CNNM4: variants seen among roughly 807,000 people sequenced by gnomAD.
CNNM4 encodes cyclin and CBS domain divalent metal cation transport mediator 4, also known as metal transporter CNNM4.
In CNNM4, 32 loss-of-function variants were observed where a neutral mutation model predicts 53.7. That is an observed-to-expected ratio of 0.60 (90% CI 0.45 to 0.80). CNNM4 has a LOEUF of 0.80. Among genes scored for constraint, CNNM4 ranks in the 30% least tolerant of loss-of-function variants. CNNM4 has a pLI of 0.00. For synonymous variants in CNNM4, 410 were observed against 440.0 expected (o/e 0.93, Z 0.85); for missense variants, 784 against 1,022.0 (o/e 0.77, Z 3.17).
intron 1 of CNNM4, among the ~76,000 whole-genome samples, chr2:96,776,892 C>G (rs2078929964): frequency 1.3e-5 from 2 of 152,118 alleles, no homozygotes; most frequent in Non-Finnish European, 2.9e-5. Context: ...GGATTACAGG[C>G]GTGAGCCACT....
Position 96,761,645 on chromosome 2 carries a change from A to G in CNNM4, c.646A>G (p.Ile216Val). ...GGCCCTGGACCCCATGGAGCTGCGC[A>G]TCGTGCAGAACTGTGGCACCGAGAA... ...LMALDPMELR[I>V]VQNCGTEKER... Residue 216 changes from isoleucine to valine, a missense_variant, in exon 1 of 7, where the codon ATC (isoleucine) becomes GTC (valine). Coordinates refer to ENST00000377075, the MANE Select transcript of CNNM4 (RefSeq NM_020184.4). This position sits in a 1 kb window ranked among gnomAD's most constrained non-coding sequence, Gnocchi z 6.0. 1 of 1,613,114 alleles carries G rather than the reference A, an allele frequency of 6.2e-7. No homozygotes were observed. The highest frequency in any genetic ancestry group is 8.5e-7 in the Non-Finnish European group (1 of 1,179,946).
chr2:96,805,590 T>C (rs907163183), intron 5 of CNNM4, among the ~76,000 whole-genome samples: 2 of 124,298 alleles, frequency 1.6e-5, no homozygotes, highest in Non-Finnish European at 3.3e-5. Context: ...CAGAGGACCC[T>C]GCGGCCTTCC....
chr2:96,790,873 A>T (rs1237268233), intron 1 of CNNM4, among the ~76,000 whole-genome samples: 1 of 151,648 alleles, frequency 6.6e-6, no homozygotes, highest in Admixed American at 6.6e-5. Flanking sequence ...TAATCCCAGC[A>T]CTTTGGGAGG....
chr2:96,770,849 G>A (rs548339178), intron 1 of CNNM4, among the ~76,000 whole-genome samples: 14 of 152,336 alleles, frequency 9.2e-5, no homozygotes, highest in African/African-American at 3.4e-4. Flanking sequence ...GTATGGAAAG[G>A]CAGCCTGGGC....
intron 1 of CNNM4, among the ~76,000 whole-genome samples, chr2:96,779,508 C>CA (rs1178143077): frequency 0.08 from 4,926 of 61,662 alleles, 355 homozygotes; most frequent in African/African-American, 0.21. Flanking sequence ...GACCTCGTCT[C>CA]AAAAAAAAAA....
chr2:96,804,937 G>A (rs967597847), intron 5 of CNNM4, among the ~76,000 whole-genome samples: 11 of 151,904 alleles, frequency 7.2e-5, no homozygotes, highest in Non-Finnish European at 1.5e-4. Flanking sequence ...CAGGAGGATC[G>A]CTTGAGCCCA....
rs910449212 is a variant in CNNM4 at position 96,801,959 on chromosome 2, A to G, written c.1948+2311A>G. Reference sequence around the variant, plus strand: ...AACACACACCCATAGGCACACACCCATAGGCACACACACAAAGAGACACAC... The same window carrying G: ...AACACACACCCATAGGCACACACCCGTAGGCACACACACAAAGAGACACAC... On this transcript the variant is annotated intron_variant, in intron 5 of 6. Coordinates refer to ENST00000377075, the MANE Select transcript of CNNM4 (RefSeq NM_020184.4). This position sits in a 1 kb window ranked among gnomAD's most constrained non-coding sequence, Gnocchi z 5.6. Among the ~76,000 whole-genome samples, 1 of 150,814 alleles carries G rather than the reference A, an allele frequency of 6.6e-6. No individual in the cohort carries two copies. Among genetic ancestry groups the G allele is most frequent in the African/African-American group, 2.4e-5 (1 of 40,934 alleles).
intron 1 of CNNM4, among the ~76,000 whole-genome samples, chr2:96,792,064 G>A (rs1034998910): frequency 1.3e-5 from 2 of 151,568 alleles, no homozygotes; most frequent in Non-Finnish European, 2.9e-5. Context: ...GAGTAGCCTG[G>A]CCAACATGGT....
At chr2:96,762,757 A>G (rs1362690300) in intron 1 of CNNM4, among the ~76,000 whole-genome samples, 1 of 152,078 alleles carries the variant, frequency 6.6e-6, no homozygotes, top group Non-Finnish European at 1.5e-5. Context: ...TGGAGTCAGG[A>G]AGGGGCTGGG....
At chr2:96,796,244 A>G (rs1255543871) in intron 1 of CNNM4, among the ~76,000 whole-genome samples, 1 of 142,140 alleles carries the variant, frequency 7.0e-6, no homozygotes, top group Non-Finnish European at 1.5e-5. Flanking sequence ...TCCCGGGTTC[A>G]AGCAATTCTC....
intron 1 of CNNM4, among the ~76,000 whole-genome samples, chr2:96,763,404 G>C (rs546417968): frequency 6.6e-6 from 1 of 152,304 alleles, no homozygotes; most frequent in African/African-American, 2.4e-5. Context: ...TTATGGAGTG[G>C]AACCCTCCCA....
Position 96,808,445 on chromosome 2 carries a change from T to A in CNNM4, c.1949-116T>A. On this transcript the variant is annotated intron_variant, in intron 5 of 6. Coordinates refer to ENST00000377075, the MANE Select transcript of CNNM4 (RefSeq NM_020184.4). This position sits in a 1 kb window ranked among gnomAD's most constrained non-coding sequence, Gnocchi z 4.9. ...ACATGCTTCTGTTTGTCCCTAAGAA[T>A]GACTTCCTGTTCCTGGGTGGGGTGT... 1 of 1,007,778 alleles carries A rather than the reference T, an allele frequency of 9.9e-7. No homozygotes were observed. Among genetic ancestry groups the A allele is most frequent in the Non-Finnish European group, 1.5e-6 (1 of 650,518 alleles). 62.4% of individuals were successfully genotyped at this position (1,007,778 alleles called of 1,614,324 possible).
At chr2:96,769,253 T>TA (rs917025715) in intron 1 of CNNM4, among the ~76,000 whole-genome samples, 2 of 133,950 alleles carry the variant, frequency 1.5e-5, no homozygotes, top group African/African-American at 5.7e-5. Context: ...TCCGTCTCAA[T>TA]AAAAAAGGAG....
rs551009676 is a variant in CNNM4 at position 96,808,454 on chromosome 2, G to C, written c.1949-107G>C. ...TGTTTGTCCCTAAGAATGACTTCCT[G>C]TTCCTGGGTGGGGTGTCCCTGGGCT... On this transcript the variant is annotated intron_variant, in intron 5 of 6. Coordinates refer to ENST00000377075, the MANE Select transcript of CNNM4 (RefSeq NM_020184.4). This position sits in a 1 kb window ranked among gnomAD's most constrained non-coding sequence, Gnocchi z 4.9. The C allele has an allele frequency of 1.9e-5, 21 of 1,124,824 alleles. No individual in the cohort carries two copies. Among genetic ancestry groups the C allele is most frequent in the Middle Eastern group, 2.5e-4 (1 of 4,030 alleles). 69.7% of individuals were successfully genotyped at this position (1,124,824 alleles called of 1,614,324 possible).
intron 1 of CNNM4, among the ~76,000 whole-genome samples, chr2:96,776,441 C>T (rs2078925307): frequency 6.6e-6 from 1 of 152,090 alleles, no homozygotes; most frequent in Admixed American, 6.6e-5. Flanking sequence ...GGATATTCAT[C>T]ACCTTGAATA....
intron 1 of CNNM4, among the ~76,000 whole-genome samples, chr2:96,779,799 A>C (rs1489091983): frequency 2.0e-5 from 3 of 150,718 alleles, no homozygotes; most frequent in Non-Finnish European, 4.4e-5. Context: ...CAACTCAAAG[A>C]CTTGACATTT....
intron 5 of CNNM4, among the ~76,000 whole-genome samples, chr2:96,804,195 G>A (rs952159338): frequency 6.6e-6 from 1 of 151,056 alleles, no homozygotes; most frequent in Non-Finnish European, 1.5e-5. Flanking sequence ...GCACCTGGCC[G>A]GACCTCTAAT....
At position 96,799,193 on chromosome 2, in the gene CNNM4, T is replaced by A; in HGVS notation, c.1818T>A (p.Asn606Lys). ...YYARHYLYTR[N>K]KPADYFILIL... is the part of the protein sequence containing the mutation. ...CCCGCCATTACCTGTACACCCGAAA[T>A]AAGCCGGCCGACTACTTCATCCTCA... The change falls in exon 4 of 7, where the codon AAT becomes AAA. Residue 606 changes from asparagine (N) to lysine (K), a missense_variant. This residue lies in a region of CNNM4 where 307 missense variants were observed against 376.3 expected (regional missense o/e 0.82). Coordinates refer to ENST00000377075, the MANE Select transcript of CNNM4 (RefSeq NM_020184.4). The A allele has an allele frequency of 1.2e-6, 2 of 1,614,142 alleles. No individual in the cohort carries two copies. The highest frequency in any genetic ancestry group is 1.7e-6 in the Non-Finnish European group (2 of 1,180,018).
intron 1 of CNNM4, among the ~76,000 whole-genome samples, chr2:96,784,090 A>C (rs191103041): frequency 6.6e-6 from 1 of 152,280 alleles, no homozygotes; most frequent in East Asian, 1.9e-4. Context: ...GTCTCTACGA[A>C]AATAAAATAA....
Sources: gnomAD v4.1 joint callset for allele counts (sites outside exome capture counted in the v4.1 genomes callset) on GRCh38, gnomAD v4.1.1 for gene constraint, gnomAD v4.1.1 regional missense constraint, Gnocchi (gnomAD v3.1) non-coding constraint, MANE v1.5 for transcripts, NCBI Gene and HGNC (gene_info 2026-07-23, HGNC 2026-07-21) for gene names.